ITSN1: variants seen among roughly 807,000 people sequenced by gnomAD.
ITSN1 encodes the protein intersectin-1.
ITSN1 carries 58 observed loss-of-function variants against 239.8 expected under a neutral mutation model. The observed-to-expected ratio is 0.24, with a 90% CI of 0.20 to 0.30. The LOEUF (loss-of-function observed/expected upper bound fraction) is 0.30, where lower values mean the gene tolerates loss of function less well. Ranked by LOEUF, ITSN1 falls within the 10% of genes least tolerant of loss-of-function variation. ITSN1 has a pLI of 1.00. For synonymous variants in ITSN1, 780 were observed against 770.8 expected, an observed-to-expected ratio of 1.01 and a Z score of -0.20; for missense variants, 1,558 against 2,103.3, an observed-to-expected ratio of 0.74 and a Z score of 5.07.
At chr21:33,858,842 T>A in intron 31 of ITSN1, 50 bp downstream of exon 31, 1 of 1,046,144 alleles carries the variant, frequency 9.6e-7, no homozygotes, top group Non-Finnish European at 1.5e-6. Flanking sequence ...TCGGCTCTCA[T>A]GCACTCGCAC....
chr21:33,821,870 C>T (rs1297064493), intron 24 of ITSN1, among the ~76,000 whole-genome samples: 1 of 152,092 alleles, frequency 6.6e-6, no homozygotes, highest in Non-Finnish European at 1.5e-5. Context: ...ATCTAAAGAA[C>T]AGTAACAGGG....
chr21:33,653,885 G>A (rs577804005), intron 1 of ITSN1, among the ~76,000 whole-genome samples: 1 of 150,122 alleles, frequency 6.7e-6, no homozygotes, highest in Admixed American at 6.6e-5. Context: ...TGAACTGCTG[G>A]GTTCCAGCAG....
chr21:33,848,715 T>A (rs1315459600), intron 29 of ITSN1, among the ~76,000 whole-genome samples: 1 of 152,238 alleles, frequency 6.6e-6, no homozygotes, highest in African/African-American at 2.4e-5. Context: ...TGAACGCCCA[T>A]GACTCACCAT....
At chr21:33,742,877 A>C (rs1280817226) in intron 5 of ITSN1, among the ~76,000 whole-genome samples, 2 of 152,212 alleles carry the variant, frequency 1.3e-5, no homozygotes, top group South Asian at 2.1e-4. Context: ...AAGCAAGGTC[A>C]AATAACACAA....
chr21:33,692,787 T>C (rs1601669916), intron 1 of ITSN1, among the ~76,000 whole-genome samples: 1 of 152,094 alleles, frequency 6.6e-6, no homozygotes, highest in Non-Finnish European at 1.5e-5. Flanking sequence ...TTTTTTTTTT[T>C]CGAGACGGAG....
At position 33,814,092 on chromosome 21, in the gene ITSN1, G is replaced by T; in HGVS notation, c.2727+20G>T. Reference sequence around the variant, plus strand: ...GGCCAGGTAAAGGCAGCCAGTGAGAGTGTGAAGACTTAGCATGCTATCTAG... The same window carrying T: ...GGCCAGGTAAAGGCAGCCAGTGAGATTGTGAAGACTTAGCATGCTATCTAG... On this transcript the variant is annotated intron_variant, in intron 22 of 39. Transcript: ENST00000381318. The T allele has an allele frequency of 6.2e-7, 1 of 1,611,798 alleles. No individual in the cohort carries two copies. The highest frequency in any genetic ancestry group is 8.5e-7 in the Non-Finnish European group (1 of 1,178,740).
chr21:33,812,334 TG>T (rs1030879019), intron 21 of ITSN1, among the ~76,000 whole-genome samples: 22 of 152,228 alleles, frequency 1.4e-4, no homozygotes, highest in Admixed American at 3.9e-4. Context: ...AATATATGTA[TG>T]GTGTGCAGTT....
At position 33,826,843 on chromosome 21, in the gene ITSN1, G is replaced by T. The variant is rs774137935; in HGVS notation, c.3209G>T (p.Gly1070Val). ...GGCTCTGGAACTGCTGGGAAAACAG[G>T]GAGTTTAGGAAAAAAACCTGGTAAG... is the stretch of plus-strand genomic sequence containing the variant. ...SEGSGTAGKT[G>V]SLGKKPEIAQ... Residue 1070 changes from glycine (G) to valine (V), a missense_variant, in exon 26 of 40, where the codon GGG (glycine) becomes GTG (valine). By Grantham distance (109) the Gly-to-Val change is moderately radical. Around this residue, in one of 2 missense-constraint regions of ITSN1, gnomAD observed 576 missense variants for 893.3 expected, o/e 0.64. Coordinates refer to ENST00000381318, the MANE Select transcript of ITSN1 (RefSeq NM_003024.3). 1.9e-5 allele frequency: 30 copies of T among 1,613,878 alleles called. No homozygotes were observed. The highest frequency in any genetic ancestry group is 2.5e-5 in the Non-Finnish European group (29 of 1,179,830).
At position 33,750,190 on chromosome 21, in the gene ITSN1, G is replaced by A. The variant is rs767827917; in HGVS notation, c.394G>A (p.Val132Met). The A allele has an allele frequency of 1.2e-6, 2 of 1,614,142 alleles. No homozygotes were observed. Among genetic ancestry groups the A allele is most frequent in the Non-Finnish European group, 8.5e-7 (1 of 1,180,022 alleles). Reference sequence around the variant, plus strand: ...GCCACCGCTTACAGCTGTTGCTCCAGTGCCAATGGGATCCATTCCAGTTGT... The same window carrying A: ...GCCACCGCTTACAGCTGTTGCTCCAATGCCAATGGGATCCATTCCAGTTGT... ...SMPPLTAVAP[V>M]PMGSIPVVGM... The change falls in exon 6 of 40, where the codon GTG (valine) becomes ATG (methionine). Residue 132 changes from valine (V) to methionine (M), a missense_variant. Coordinates refer to ENST00000381318, the MANE Select transcript of ITSN1 (RefSeq NM_003024.3).
chr21:33,747,306 G>C (rs988608071), intron 5 of ITSN1, among the ~76,000 whole-genome samples: 5 of 151,956 alleles, frequency 3.3e-5, no homozygotes, highest in Non-Finnish European at 5.9e-5. Flanking sequence ...GGAACAAAAA[G>C]ATTGAAAAAA....
chr21:33,735,335 C>A, intron 5 of ITSN1, 131 bp downstream of exon 5: 1 of 916,702 alleles, frequency 1.1e-6, no homozygotes, highest in Non-Finnish European at 1.8e-6. Context: ...AATGATGGCC[C>A]CCTGCAGGAA....
intron 24 of ITSN1, among the ~76,000 whole-genome samples, chr21:33,821,516 G>T (rs1469296438): frequency 6.6e-6 from 1 of 152,164 alleles, no homozygotes; most frequent in Admixed American, 6.5e-5. Flanking sequence ...TTGGCTTGGG[G>T]ATGGCCAGTG....
chr21:33,693,094 C>T (rs995054162), intron 1 of ITSN1, among the ~76,000 whole-genome samples: 1 of 152,068 alleles, frequency 6.6e-6, no homozygotes, highest in East Asian at 1.9e-4. Flanking sequence ...CCGCGCCCAG[C>T]CCAGTAAAAT....
intron 39 of ITSN1, among the ~76,000 whole-genome samples, chr21:33,886,913 G>T (rs937072491): frequency 6.6e-6 from 1 of 152,222 alleles, no homozygotes; most frequent in East Asian, 1.9e-4. Flanking sequence ...AAGGGATGCA[G>T]TCATGTTGAA....
intron 16 of ITSN1, among the ~76,000 whole-genome samples, chr21:33,784,146 T>G (rs1281676958): frequency 2.6e-5 from 4 of 152,202 alleles, no homozygotes; most frequent in Non-Finnish European, 5.9e-5. Context: ...GGCTTTCTCT[T>G]ATTAACTTTA....
intron 30 of ITSN1, among the ~76,000 whole-genome samples, chr21:33,857,367 G>T (rs1979553188): frequency 6.6e-6 from 1 of 152,240 alleles, no homozygotes; most frequent in Non-Finnish European, 1.5e-5. Context: ...TGACCTGAGT[G>T]ATGCCTCCTC....
intron 28 of ITSN1, among the ~76,000 whole-genome samples, chr21:33,835,293 C>T (rs2074538647): frequency 1.3e-5 from 2 of 152,136 alleles, no homozygotes; most frequent in African/African-American, 2.4e-5. Context: ...ATGTGGTTCC[C>T]GCAGGGTTTG....
intron 16 of ITSN1, among the ~76,000 whole-genome samples, chr21:33,785,563 A>G (rs922950065): frequency 2.6e-5 from 4 of 152,194 alleles, no homozygotes; most frequent in African/African-American, 9.7e-5. Context: ...TCAGTTCAGG[A>G]AGAATTCCTT....
intron 34 of ITSN1, among the ~76,000 whole-genome samples, chr21:33,878,006 C>G (rs1266532805): frequency 4.8e-5 from 5 of 103,322 alleles, no homozygotes; most frequent in East Asian, 6.7e-4. Context: ...TTCTCTCTCT[C>G]TTTGTGTGTG....
Sources: gnomAD v4.1 joint callset for allele counts (sites outside exome capture counted in the v4.1 genomes callset) on GRCh38, gnomAD v4.1.1 for gene constraint, gnomAD v4.1.1 regional missense constraint, MANE v1.5 for transcripts, NCBI Gene and HGNC (gene_info 2026-07-23, HGNC 2026-07-21) for gene names.